The following TAFA2 variants were observed in gnomAD, a reference collection of about 807,000 sequenced individuals.
The protein encoded by TAFA2 is TAFA chemokine like family member 2, also known as chemokine-like protein TAFA-2.
TAFA2 carries 7 observed loss-of-function variants against 18.8 expected under a neutral mutation model. That is an observed-to-expected ratio of 0.37 (90% CI 0.21 to 0.70). The LOEUF (loss-of-function observed/expected upper bound fraction) is 0.70. TAFA2 is among the 30% of genes least tolerant of loss of function. The probability of loss-of-function intolerance (pLI) is 0.53; values close to 1 mark genes in which losing one functional copy is unlikely to be tolerated. For synonymous variants in TAFA2, 60 were observed against 54.2 expected (o/e 1.11, Z -0.47); for missense variants, 122 against 158.1 (o/e 0.77, Z 1.23).
At chr12:61,886,362 C>T (rs1305827173) in intron 1 of TAFA2, among the ~76,000 whole-genome samples, 3 of 152,112 alleles carry the variant, frequency 2.0e-5, no homozygotes. Flanking sequence ...TTTGTTCTCG[C>T]TACCACCCCC....
At position 61,860,134 on chromosome 12, in the gene TAFA2, A is replaced by G. The variant is rs1445423379; in HGVS notation, c.106+7186T>C. Reference sequence around the variant, plus strand: ...CAGCATGCTCTCAAATATGTATAACATGTTTATGAATTAAACCAGATGAAA... The same window carrying G: ...CAGCATGCTCTCAAATATGTATAACGTGTTTATGAATTAAACCAGATGAAA... On this transcript the variant is annotated intron_variant, in intron 2 of 4. Coordinates refer to ENST00000416284, the MANE Select transcript of TAFA2 (RefSeq NM_178539.5). Among the ~76,000 whole-genome samples, 6 of 152,232 alleles carry G rather than the reference A, an allele frequency of 3.9e-5. 1 individual carries two copies. The South Asian group carries it at 1.0e-3, about 26-fold the overall frequency.
chr12:61,861,881 A>C (rs1874145124), intron 2 of TAFA2, among the ~76,000 whole-genome samples: 1 of 152,236 alleles, frequency 6.6e-6, no homozygotes, highest in South Asian at 2.1e-4. Context: ...CCATTCAATC[A>C]AAAGTTCTCA....
At chr12:61,951,924 T>A (rs1369038685) in intron 1 of TAFA2, among the ~76,000 whole-genome samples, 1 of 151,910 alleles carries the variant, frequency 6.6e-6, no homozygotes, top group Non-Finnish European at 1.5e-5. Flanking sequence ...TTAACTAATA[T>A]ACACTTGAGA....
intron 1 of TAFA2, among the ~76,000 whole-genome samples, chr12:61,918,219 C>G (rs1876909387): frequency 6.6e-6 from 1 of 152,086 alleles, no homozygotes; most frequent in Non-Finnish European, 1.5e-5. Flanking sequence ...ATCATTTACT[C>G]TAGTCCTCCC....
intron 2 of TAFA2, among the ~76,000 whole-genome samples, chr12:61,823,052 T>A (rs1301159431): frequency 6.6e-6 from 1 of 151,722 alleles, no homozygotes; most frequent in East Asian, 1.9e-4. Context: ...TTATTCTCTA[T>A]AAATAAATTA....
chr12:61,921,951 A>C (rs2121367252), intron 1 of TAFA2, among the ~76,000 whole-genome samples: 1 of 152,284 alleles, frequency 6.6e-6, no homozygotes, highest in South Asian at 2.1e-4. Flanking sequence ...TATCAAAAAG[A>C]AGTATGTGAT....
intron 1 of TAFA2, among the ~76,000 whole-genome samples, chr12:62,017,091 C>T (rs1357527029): frequency 6.6e-6 from 1 of 152,068 alleles, no homozygotes; most frequent in African/African-American, 2.4e-5. Context: ...TCTTCACAAG[C>T]CCTATAAAGT....
chr12:62,044,145 A>T (rs1592301799), intron 1 of TAFA2, among the ~76,000 whole-genome samples: 1 of 142,450 alleles, frequency 7.0e-6, no homozygotes, highest in South Asian at 2.2e-4. Context: ...AGTGGGTGTT[A>T]AAAAAAAAAA....
chr12:61,884,647 A>T (rs1484542638), intron 1 of TAFA2, among the ~76,000 whole-genome samples: 1 of 152,148 alleles, frequency 6.6e-6, no homozygotes, highest in African/African-American at 2.4e-5. Context: ...TTTCAGAAAG[A>T]CCTTCACTAT....
chr12:62,207,036 G>C (rs1391250447), intron 1 of TAFA2: 1 of 152,166 alleles, frequency 6.6e-6, no homozygotes, highest in Non-Finnish European at 1.5e-5. Flanking sequence ...TAAGGCTCAG[G>C]ACAAGAGTTA....
intron 2 of TAFA2, among the ~76,000 whole-genome samples, chr12:61,821,539 GAGAC>G (rs1214351458): frequency 7.9e-5 from 12 of 152,194 alleles, no homozygotes; most frequent in Middle Eastern, 3.4e-3. Flanking sequence ...AAGTGGTAAA[GAGAC>G]AGACAGACCC....
chr12:61,861,199 G>A (rs1874110818), intron 2 of TAFA2, among the ~76,000 whole-genome samples: 1 of 151,092 alleles, frequency 6.6e-6, no homozygotes, highest in African/African-American at 2.4e-5. Context: ...TGATCCACCG[G>A]CTTCCGCCTC....
chr12:61,737,582 T>C (rs1868325295), intron 4 of TAFA2, among the ~76,000 whole-genome samples: 1 of 151,710 alleles, frequency 6.6e-6, no homozygotes, highest in Non-Finnish European at 1.5e-5. Context: ...GGCCCTGTTA[T>C]TTCACTAAAA....
At chr12:62,111,453 T>C (rs11174329) in intron 1 of TAFA2, among the ~76,000 whole-genome samples, 34,160 of 152,194 alleles carry the variant, frequency 0.22, 4,211 homozygotes, top group East Asian at 0.37. Flanking sequence ...CTGAGAAGAA[T>C]GTATTTTCTG....
intron 1 of TAFA2, among the ~76,000 whole-genome samples, chr12:62,209,416 C>T (rs909609030): frequency 6.6e-6 from 1 of 152,160 alleles, no homozygotes; most frequent in Non-Finnish European, 1.5e-5. Context: ...CTGAGGCCTC[C>T]CCAGCAATGC....
chr12:61,986,260 G>C (rs1454926223), intron 1 of TAFA2, among the ~76,000 whole-genome samples: 2 of 144,662 alleles, frequency 1.4e-5, no homozygotes, highest in Non-Finnish European at 3.0e-5. Context: ...TGCCTCCCAG[G>C]TTCAAGTGAT....
chr12:62,089,736 C>G (rs139847540), intron 1 of TAFA2, among the ~76,000 whole-genome samples: 1 of 152,142 alleles, frequency 6.6e-6, no homozygotes, highest in East Asian at 1.9e-4. Flanking sequence ...AGAGCTGAAA[C>G]AAGTAATTGC....
At chr12:62,158,776 T>A (rs188210271) in intron 1 of TAFA2, among the ~76,000 whole-genome samples, 1 of 152,324 alleles carries the variant, frequency 6.6e-6, no homozygotes, top group East Asian at 1.9e-4. Context: ...AGGTAAGATA[T>A]CTACTTAAAA....
intron 1 of TAFA2, among the ~76,000 whole-genome samples, chr12:62,118,567 C>G (rs1159424946): frequency 6.6e-6 from 1 of 151,972 alleles, no homozygotes; most frequent in African/African-American, 2.4e-5. Flanking sequence ...ATGATTGCAC[C>G]AATTTGCCCT....
Sources: allele counts gnomAD v4.1 joint callset (sites outside exome capture counted in the v4.1 genomes callset), GRCh38; gene constraint gnomAD v4.1.1; transcripts MANE v1.5; gene names NCBI Gene and HGNC (gene_info 2026-07-23, HGNC 2026-07-21).